PODXL: variants seen among roughly 807,000 people sequenced by gnomAD.
PODXL encodes the protein podocalyxin.
In PODXL, 20 loss-of-function variants were observed where a neutral mutation model predicts 48.9. The observed-to-expected ratio is 0.41, with a 90% CI of 0.29 to 0.59. The LOEUF is 0.59. PODXL is among the 20% of genes least tolerant of loss of function. The probability of loss-of-function intolerance (pLI) is 0.31; values close to 1 mark genes in which losing one functional copy is unlikely to be tolerated. For synonymous variants in PODXL, 295 were observed against 287.4 expected, an observed-to-expected ratio of 1.03 and a Z score of -0.27; for missense variants, 606 against 675.1, an observed-to-expected ratio of 0.90 and a Z score of 1.13.
chr7:131,506,351 C>T, intron 6 of PODXL, 30 bp from the exon 7 acceptor site: 1 of 1,612,088 alleles, frequency 6.2e-7, no homozygotes, highest in Non-Finnish European at 8.5e-7. Flanking sequence ...TGCCCAATGG[C>T]CCAGCCCAGA....
rs1411310008 is a variant in PODXL at position 131,501,623 on chromosome 7, TC to T, written c.*2687del. 1 of 152,202 alleles carries T rather than the reference TC, an allele frequency of 6.6e-6. No individual in the cohort carries two copies. Among genetic ancestry groups the T allele is most frequent in the African/African-American group, 2.4e-5 (1 of 41,458 alleles). The allele number at this position is 152,202 out of a possible 1,614,324, so 9.4% of individuals were successfully genotyped here. A position where few individuals can be genotyped will look rare whatever the true frequency, so the allele number is the denominator to read the frequency against. On this transcript the variant is annotated 3_prime_UTR_variant, in exon 9 of 9. Coordinates refer to ENST00000378555, the MANE Select transcript of PODXL (RefSeq NM_001018111.3). ...GTCATCATACTTGTGGTTTCTGGCCTCCTGTGCAGCTTGGGGAAACCACAGT... is the reference window on the plus strand; with the variant it reads ...GTCATCATACTTGTGGTTTCTGGCCTCTGTGCAGCTTGGGGAAACCACAGT...
rs879639629 is a variant in PODXL at position 131,508,880 on chromosome 7, T to C, written c.1101+71A>G. 94 of 1,070,598 alleles carry C rather than the reference T, an allele frequency of 8.8e-5. 1 individual carries two copies. Among genetic ancestry groups the C allele is most frequent in the Non-Finnish European group, 1.3e-4 (91 of 684,930 alleles). 66.3% of individuals were successfully genotyped at this position (1,070,598 alleles called of 1,614,324 possible). On this transcript the variant is annotated intron_variant, in intron 5 of 8. Coordinates refer to ENST00000378555, the MANE Select transcript of PODXL (RefSeq NM_001018111.3). ...TTTAAAAATGCACCTAGAAAGAACATACATTCCCTCTCCCTCCCTCAGCCC... is the reference window on the plus strand; with the variant it reads ...TTTAAAAATGCACCTAGAAAGAACACACATTCCCTCTCCCTCCCTCAGCCC...
intron 1 of PODXL, among the ~76,000 whole-genome samples, chr7:131,525,169 C>T (rs559900522): frequency 6.6e-6 from 1 of 152,116 alleles, no homozygotes; most frequent in Non-Finnish European, 1.5e-5. Context: ...TCTGTTGAAA[C>T]CCAAAGATTT....
intron 1 of PODXL, among the ~76,000 whole-genome samples, chr7:131,535,026 G>A (rs1009746522): frequency 5.9e-5 from 9 of 152,166 alleles, no homozygotes; most frequent in South Asian, 2.1e-4. Flanking sequence ...CACTCCAGCC[G>A]GGGTGACAAA....
Position 131,502,511 on chromosome 7 carries a change from C to A in PODXL, c.*1800G>T. On this transcript the variant is annotated 3_prime_UTR_variant, in exon 9 of 9. Coordinates refer to ENST00000378555, the MANE Select transcript of PODXL (RefSeq NM_001018111.3). ...GACAGATCTTCCCCAGCCCCTCCCC[C>A]TACCCTTTTAAAAAGTAAGCCATCC... 1 of 152,356 alleles carries A rather than the reference C, an allele frequency of 6.6e-6. No individual in the cohort carries two copies. The highest frequency in any genetic ancestry group is 1.5e-5 in the Non-Finnish European group (1 of 68,106). The allele number at this position is 152,356 out of a possible 1,614,324, so 9.4% of individuals were successfully genotyped here. A position where few individuals can be genotyped will look rare whatever the true frequency, so the allele number is the denominator to read the frequency against.
chr7:131,500,442 CTG>C lies in PODXL; in HGVS notation c.*3867_*3868del, dbSNP rs748824554. Reference sequence around the variant, plus strand: ...TATGATCCCCCAGTTCCTGGGCAAACTGTTGAACATTCACTGCAGACAAAAAG... The same window carrying C: ...TATGATCCCCCAGTTCCTGGGCAAACTTGAACATTCACTGCAGACAAAAAG... On this transcript the variant is annotated 3_prime_UTR_variant, in exon 9 of 9. Transcript: ENST00000378555. 2 of 152,682 alleles carry C rather than the reference CTG, an allele frequency of 1.3e-5. No homozygotes were observed. Among genetic ancestry groups the C allele is most frequent in the Non-Finnish European group, 2.9e-5 (2 of 68,046 alleles). The allele number at this position is 152,682 out of a possible 1,614,324, so 9.5% of individuals were successfully genotyped here. A position where few individuals can be genotyped will look rare whatever the true frequency, so the allele number is the denominator to read the frequency against.
intron 1 of PODXL, among the ~76,000 whole-genome samples, chr7:131,536,630 C>T (rs1798378154): frequency 6.6e-6 from 1 of 152,142 alleles, no homozygotes; most frequent in South Asian, 2.1e-4. Context: ...CTGGGCCTCT[C>T]CCTGCTGGTT....
At chr7:131,551,739 T>A (rs1282028425) in intron 1 of PODXL, among the ~76,000 whole-genome samples, 1 of 151,542 alleles carries the variant, frequency 6.6e-6, no homozygotes, top group African/African-American at 2.4e-5. Context: ...GATCGAGACC[T>A]TCCTGGCTAA....
At chr7:131,552,338 G>A (rs1554390418) in intron 1 of PODXL, among the ~76,000 whole-genome samples, 3 of 152,234 alleles carry the variant, frequency 2.0e-5, no homozygotes, top group African/African-American at 4.8e-5. Context: ...AGGCATCTCA[G>A]AGATGATGCC....
In PODXL at chr7:131,531,054, G is replaced by A. The variant is rs546259726; in HGVS notation, c.101-19621C>T. 1.3e-4 allele frequency among the ~76,000 whole-genome samples: 20 copies of A among 151,938 alleles called. No homozygotes were observed. The South Asian group carries it at 3.5e-3, about 27-fold the overall frequency. ...GTCTGGGCAACAAGAGCAAAACTCCGTCTCAAAAAAAAAATTAAGTCAGTA... is the reference window on the plus strand; with the variant it reads ...GTCTGGGCAACAAGAGCAAAACTCCATCTCAAAAAAAAAATTAAGTCAGTA... On this transcript the variant is annotated intron_variant, in intron 1 of 8. Transcript: ENST00000378555.
chr7:131,504,393 C>T lies in PODXL; in HGVS notation c.1595G>A (p.Gly532Glu). Residue 532 changes from glycine (G) to glutamate (E), a missense_variant, in exon 9 of 9, where the codon GGG becomes GAG. Physicochemically the swap from Gly to Glu is moderately conservative, Grantham distance 98. Transcript: ENST00000378555. ...MQEKKVVSLN[G>E]ELGDSWIVPL... ...GACGATCCAGCTGTCCCCCAGCTCC[C>T]CGTTGAGGCTGACCACCTTCTTCTC... 6.2e-7 allele frequency: 1 copy of T among 1,614,186 alleles called. No individual in the cohort carries two copies. The highest frequency in any genetic ancestry group is 8.5e-7 in the Non-Finnish European group (1 of 1,180,028).
At position 131,509,076 on chromosome 7, in the gene PODXL, C is replaced by A. The variant is rs779633575; in HGVS notation, c.1024-48G>T. The A allele has an allele frequency of 9.4e-6, 14 of 1,489,782 alleles. No homozygotes were observed. In the East Asian group the frequency reaches 2.9e-4, roughly 31 times the overall value. 92.3% of individuals were successfully genotyped at this position (1,489,782 alleles called of 1,614,324 possible). A position where few individuals can be genotyped will look rare whatever the true frequency, so the allele number is the denominator to read the frequency against. ...AGGTTTGGGCTAATAGTCATGGAAT[C>A]TTTGACATTTCCCCCCAACTAAGGG... On this transcript the variant is annotated intron_variant, in intron 4 of 8. Coordinates refer to ENST00000378555, the MANE Select transcript of PODXL (RefSeq NM_001018111.3).
intron 1 of PODXL, among the ~76,000 whole-genome samples, chr7:131,535,946 C>G (rs1454890215): frequency 6.6e-6 from 1 of 152,138 alleles, no homozygotes; most frequent in Non-Finnish European, 1.5e-5. Flanking sequence ...TTTGTAGAGA[C>G]AGAGTCTCAC....
At chr7:131,539,592 T>C (rs1412339438) in intron 1 of PODXL, among the ~76,000 whole-genome samples, 5 of 152,226 alleles carry the variant, frequency 3.3e-5, no homozygotes, top group South Asian at 4.1e-4. Context: ...GTGCTGGGAT[T>C]ACAGGCGTGA....
At chr7:131,528,016 G>A (rs150085704) in intron 1 of PODXL, among the ~76,000 whole-genome samples, 1,790 of 149,294 alleles carry the variant, frequency 0.012, 20 homozygotes, top group Non-Finnish European at 0.017. Flanking sequence ...CAATTCTCCT[G>A]CCTCAGCCTC....
intron 1 of PODXL, among the ~76,000 whole-genome samples, chr7:131,538,178 G>A (rs1241060874): frequency 2.0e-5 from 3 of 152,068 alleles, no homozygotes; most frequent in African/African-American, 7.2e-5. Context: ...CTCTGACTTA[G>A]TTGGGAGGAT....
chr7:131,541,619 G>A (rs1798483549), intron 1 of PODXL, among the ~76,000 whole-genome samples: 1 of 151,658 alleles, frequency 6.6e-6, no homozygotes, highest in South Asian at 2.1e-4. Context: ...GGGAGGCGGA[G>A]GTTGCAGTGA....
chr7:131,536,042 G>A (rs181727286), intron 1 of PODXL, among the ~76,000 whole-genome samples: 156 of 152,310 alleles, frequency 1.0e-3, no homozygotes, highest in Non-Finnish European at 1.5e-3. Flanking sequence ...ATAGGCATGA[G>A]CCACTGTGCT....
Position 131,503,959 on chromosome 7 carries a change from C to A in PODXL, c.*352G>T. The A allele has an allele frequency of 3.1e-6, 1 of 321,968 alleles. No individual in the cohort carries two copies. Among genetic ancestry groups the A allele is most frequent in the Non-Finnish European group, 5.9e-6 (1 of 170,270 alleles). The allele number at this position is 321,968 out of a possible 1,614,324, so 19.9% of individuals were successfully genotyped here. ...TCATCCTGGCTCTGTCACCAAGTGGCTCTGACCTTGGGCAAGTCACTTACC... is the reference window on the plus strand; with the variant it reads ...TCATCCTGGCTCTGTCACCAAGTGGATCTGACCTTGGGCAAGTCACTTACC... On this transcript the variant is annotated 3_prime_UTR_variant, in exon 9 of 9. Coordinates refer to ENST00000378555, the MANE Select transcript of PODXL (RefSeq NM_001018111.3).
Sources: gnomAD v4.1 joint callset for allele counts (sites outside exome capture counted in the v4.1 genomes callset) on GRCh38, gnomAD v4.1.1 for gene constraint, MANE v1.5 for transcripts, NCBI Gene and HGNC (gene_info 2026-07-23, HGNC 2026-07-21) for gene names.